The following C10orf90 variants were observed in gnomAD, a reference collection of about 807,000 sequenced individuals.
C10orf90 encodes the protein chromosome 10 open reading frame 90, also known as (E2-independent) E3 ubiquitin-conjugating enzyme FATS.
A neutral mutation model predicts 62.5 loss-of-function variants in C10orf90; 56 were observed. That is an observed-to-expected ratio of 0.90 (90% CI 0.72 to 1.12). The LOEUF (loss-of-function observed/expected upper bound fraction) is 1.12. Among genes scored for constraint, C10orf90 ranks in the 50% most tolerant of loss-of-function variants. The probability of loss-of-function intolerance (pLI) is 0.00; values close to 1 mark genes in which losing one functional copy is unlikely to be tolerated. For synonymous variants in C10orf90, 386 were observed against 340.4 expected (o/e 1.13, Z -1.47); for missense variants, 970 against 880.4 (o/e 1.10, Z -1.29).
intron 2 of C10orf90, among the ~76,000 whole-genome samples, chr10:126,643,980 C>T (rs917256977): frequency 8.3e-4 from 126 of 152,354 alleles, no homozygotes; most frequent in African/African-American, 2.9e-3. Flanking sequence ...TGGACTCCCT[C>T]CTTGACCAAA....
chr10:126,539,358 A>T (rs1327436770), intron 2 of C10orf90, among the ~76,000 whole-genome samples: 1 of 152,192 alleles, frequency 6.6e-6, no homozygotes, highest in Non-Finnish European at 1.5e-5. Context: ...TGTTTATAAA[A>T]CTAAACATAT....
chr10:126,584,178 G>A (rs1212006162), intron 2 of C10orf90, among the ~76,000 whole-genome samples: 1 of 152,078 alleles, frequency 6.6e-6, no homozygotes, highest in Non-Finnish European at 1.5e-5. Context: ...CACAAATGAT[G>A]CATTTACGTG....
intron 4 of C10orf90, among the ~76,000 whole-genome samples, chr10:126,479,989 C>T (rs1861086971): frequency 6.6e-6 from 1 of 152,094 alleles, no homozygotes. Flanking sequence ...AAAATATATC[C>T]CATCTTTTCT....
At chr10:126,614,248 T>G (rs549417115) in intron 2 of C10orf90, among the ~76,000 whole-genome samples, 1 of 152,152 alleles carries the variant, frequency 6.6e-6, no homozygotes, top group Admixed American at 6.5e-5. Context: ...TAAAGTCTTA[T>G]CCTCACTTTA....
rs73378960 is a variant in C10orf90, at chr10:126,571,135, C to T, written c.314-57196G>A. ...AAGAAGCTGCAATTGGAAACGTAAA[C>T]GCAGTGAGAAGATGCAGCCAGTGAG... On this transcript the variant is annotated intron_variant, in intron 2 of 9. Transcript: ENST00000488181. 6.1e-3 allele frequency among the ~76,000 whole-genome samples: 929 copies of T among 152,354 alleles called. 8 individuals are homozygous for T. Among genetic ancestry groups the T allele is most frequent in the African/African-American group, 0.021 (867 of 41,584 alleles).
chr10:126,665,456 A>G (rs1774987682), intron 1 of C10orf90, among the ~76,000 whole-genome samples: 1 of 152,148 alleles, frequency 6.6e-6, no homozygotes, highest in African/African-American at 2.4e-5. Flanking sequence ...GAGTGCTTTT[A>G]TTTTACAAGA....
chr10:126,498,358 C>G (rs900538610), intron 4 of C10orf90, among the ~76,000 whole-genome samples: 1 of 152,192 alleles, frequency 6.6e-6, no homozygotes, highest in Admixed American at 6.5e-5. Context: ...TCACTGCCCC[C>G]ACTCCTGGAC....
At position 126,504,805 on chromosome 10, in the gene C10orf90, C is replaced by A. The variant is rs779373225; in HGVS notation, c.686G>T (p.Gly229Val). The A allele has an allele frequency of 1.9e-6, 3 of 1,587,766 alleles. No homozygotes were observed. Among genetic ancestry groups the A allele is most frequent in the South Asian group, 1.2e-5 (1 of 86,280 alleles). ...GATGGATGCAAACCCTCTGCGGGGGCCCCCACAGGGTCTCTCCTCTTTGGG... is the reference window on the plus strand; with the variant it reads ...GATGGATGCAAACCCTCTGCGGGGGACCCCACAGGGTCTCTCCTCTTTGGG... ...LPPKEERPCGGPRRGFASITI... is the reference protein window; with the variant it reads ...LPPKEERPCGVPRRGFASITI... The change falls in exon 4 of 10, where the codon GGC becomes GTC. Residue 229 changes from glycine to valine, a missense_variant. Gly to Val is a moderately radical substitution (Grantham distance 109). Transcript: ENST00000488181. The surrounding 1 kb of genome is among the most constrained non-coding windows in gnomAD (Gnocchi z 4.1).
At chr10:126,528,910 T>C (rs1864021188) in intron 2 of C10orf90, among the ~76,000 whole-genome samples, 1 of 152,184 alleles carries the variant, frequency 6.6e-6, no homozygotes. Flanking sequence ...AAGGTAGATC[T>C]ACAAAGGCAG....
At chr10:126,621,922 T>C (rs969459748) in intron 2 of C10orf90, among the ~76,000 whole-genome samples, 2 of 152,208 alleles carry the variant, frequency 1.3e-5, no homozygotes, top group South Asian at 2.1e-4. Flanking sequence ...TCTTTGAACA[T>C]GCTGTTCCCC....
chr10:126,458,456 T>C (rs1424772666), intron 7 of C10orf90, among the ~76,000 whole-genome samples: 2 of 152,154 alleles, frequency 1.3e-5, no homozygotes, highest in Non-Finnish European at 2.9e-5. Flanking sequence ...ATAAGCTCCA[T>C]GAAGAAGGGA....
intron 2 of C10orf90, among the ~76,000 whole-genome samples, chr10:126,536,305 TAAA>T (rs1864235470): frequency 6.6e-6 from 1 of 152,134 alleles, no homozygotes; most frequent in African/African-American, 2.4e-5. Context: ...CCTGTCATGG[TAAA>T]ACACAGATGA....
At chr10:126,463,821 T>C (rs1860136763) in intron 5 of C10orf90, among the ~76,000 whole-genome samples, 1 of 152,250 alleles carries the variant, frequency 6.6e-6, no homozygotes, top group African/African-American at 2.4e-5. Flanking sequence ...GACCGTTTCC[T>C]GTGCCAACGG....
chr10:126,603,296 C>T (rs767604358), intron 2 of C10orf90, among the ~76,000 whole-genome samples: 2 of 152,036 alleles, frequency 1.3e-5, no homozygotes, highest in South Asian at 2.1e-4. Context: ...CTTCACGTGG[C>T]GGCATCAAGG....
chr10:126,485,776 T>C (rs1187428850), intron 4 of C10orf90, among the ~76,000 whole-genome samples: 1 of 144,928 alleles, frequency 6.9e-6, no homozygotes, highest in Non-Finnish European at 1.5e-5. Flanking sequence ...CTATCTCTAT[T>C]AAAAAAAAAA....
In C10orf90 at chr10:126,487,142, CAAAAAAA is replaced by C. The variant is rs1158481155; in HGVS notation, c.1534+16808_1534+16814del. Among the ~76,000 whole-genome samples the C allele has an allele frequency of 5.8e-4, 17 of 29,458 alleles. No homozygotes were observed. The East Asian group carries it at 0.014, about 23-fold the overall frequency. The allele number at this position is 29,458 out of a possible 152,430, so 19.3% of individuals were successfully genotyped here. ...CTGGGCAACAACAGTAAAACTCTGT[CAAAAAAA>C]AAAAAAAAAAAAAAAAAAAGAAAGA... On this transcript the variant is annotated intron_variant, in intron 4 of 9. Coordinates refer to ENST00000488181, the MANE Select transcript of C10orf90 (RefSeq NM_001350921.2).
chr10:126,637,581 G>T (rs1488677759), intron 2 of C10orf90, among the ~76,000 whole-genome samples: 1 of 152,234 alleles, frequency 6.6e-6, no homozygotes, highest in Non-Finnish European at 1.5e-5. Context: ...ACCACCGATT[G>T]GTCATGACAT....
At chr10:126,455,868 A>G (rs143139383) in intron 7 of C10orf90, among the ~76,000 whole-genome samples, 11 of 152,292 alleles carry the variant, frequency 7.2e-5, no homozygotes, top group African/African-American at 2.6e-4. Context: ...GCTACCATGA[A>G]GTACAGCGGG....
intron 5 of C10orf90, among the ~76,000 whole-genome samples, 192 bp downstream of exon 5, chr10:126,464,504 T>C (rs557056865): frequency 2.6e-4 from 39 of 152,152 alleles, no homozygotes; most frequent in East Asian, 7.7e-4. Flanking sequence ...CCGACCCACA[T>C]AGGGCTGCCT....
Sources: gnomAD v4.1 joint callset for allele counts (sites outside exome capture counted in the v4.1 genomes callset) on GRCh38, gnomAD v4.1.1 for gene constraint, Gnocchi (gnomAD v3.1) non-coding constraint, MANE v1.5 for transcripts, NCBI Gene and HGNC (gene_info 2026-07-23, HGNC 2026-07-21) for gene names.